DCLK1: variants seen among roughly 807,000 people sequenced by gnomAD.
DCLK1 encodes the protein doublecortin like kinase 1.
DCLK1 carries 16 observed loss-of-function variants against 86.2 expected under a neutral mutation model. That is an observed-to-expected ratio of 0.19 (90% CI 0.13 to 0.28). DCLK1 has a LOEUF of 0.28. Among genes scored for constraint, DCLK1 ranks in the 10% least tolerant of loss-of-function variants. The probability of loss-of-function intolerance (pLI) is 1.00; values close to 1 mark genes in which losing one functional copy is unlikely to be tolerated. For missense variants in DCLK1, 590 were observed against 940.2 expected (o/e 0.63, Z 4.87); for synonymous variants, 369 against 370.5 (o/e 1.00, Z 0.05).
chr13:35,929,618 C>T (rs976922003), intron 4 of DCLK1, among the ~76,000 whole-genome samples: 3 of 152,182 alleles, frequency 2.0e-5, no homozygotes, highest in African/African-American at 7.2e-5. Flanking sequence ...ATTTGCCTTT[C>T]CTCATTCCCC....
chr13:36,125,209 G>C (rs1329958050), intron 2 of DCLK1, among the ~76,000 whole-genome samples: 1 of 152,050 alleles, frequency 6.6e-6, no homozygotes, highest in African/African-American at 2.4e-5. Flanking sequence ...AGGAAGCATC[G>C]CAGTGGAACG....
At chr13:36,127,399 G>T (rs1886224610) in intron 1 of DCLK1, among the ~76,000 whole-genome samples, 1 of 152,176 alleles carries the variant, frequency 6.6e-6, no homozygotes, top group South Asian at 2.1e-4. Flanking sequence ...GACTATCTTT[G>T]TGATTGAAGA....
At chr13:36,086,840 T>C (rs926644900) in intron 3 of DCLK1, among the ~76,000 whole-genome samples, 8 of 152,224 alleles carry the variant, frequency 5.3e-5, no homozygotes, top group African/African-American at 1.9e-4. Context: ...ATGGTGTATA[T>C]GTGCCACATT....
chr13:35,849,918 T>C (rs1308470316), intron 6 of DCLK1: 1 of 959,382 alleles, frequency 1.0e-6, no homozygotes, highest in Non-Finnish European at 1.2e-6. Flanking sequence ...AAATTATGTA[T>C]ATGATTGTAA....
At chr13:35,862,934 G>T (rs72652880) in intron 5 of DCLK1, among the ~76,000 whole-genome samples, 4,950 of 152,244 alleles carry the variant, frequency 0.033, 140 homozygotes, top group Middle Eastern at 0.068. Context: ...CAATGTTTTG[G>T]TCAACAAGGG....
intron 4 of DCLK1, among the ~76,000 whole-genome samples, chr13:35,914,146 G>C (rs9574906): frequency 0.8 from 120,683 of 151,090 alleles, 48,324 homozygotes; most frequent in South Asian, 0.91. Context: ...AGTGAGACAC[G>C]CGTCTCTACA....
At chr13:35,808,458 T>C (rs2087074842) in intron 13 of DCLK1, 138 bp from the exon 14 acceptor site, 3 of 786,222 alleles carry the variant, frequency 3.8e-6, no homozygotes, top group African/African-American at 1.7e-5. Flanking sequence ...GATTGAAAAA[T>C]GTCAATGTGG....
chr13:36,075,895 C>T lies in DCLK1; in HGVS notation c.723+35974G>A, dbSNP rs1198700384. On this transcript the variant is annotated intron_variant, in intron 3 of 16. Transcript: ENST00000360631. ...AAAAAATTAGCCGAACACAGTGGCA[C>T]ATGCCTGTAGTCCCAGCTACTCGGG... Among the ~76,000 whole-genome samples, 3 of 151,996 alleles carry T rather than the reference C, an allele frequency of 2.0e-5. No homozygotes were observed. In the East Asian group the frequency reaches 5.8e-4, roughly 29 times the overall value.
intron 4 of DCLK1, among the ~76,000 whole-genome samples, chr13:35,934,294 G>T (rs1876631765): frequency 6.6e-6 from 1 of 152,038 alleles, no homozygotes; most frequent in South Asian, 2.1e-4. Context: ...CCACATTTTT[G>T]GGTATCTTCT....
In DCLK1 at chr13:35,772,268, G is replaced by A. The variant is rs1364101052; in HGVS notation, c.*2267C>T. On this transcript the variant is annotated 3_prime_UTR_variant, in exon 17 of 17. Transcript: ENST00000360631. ...CCAGAGTCCCCCTAGACGTCGATGG[G>A]AAAAGGCCTGAGCCATGCACCGCAG... The A allele has an allele frequency of 1.3e-5, 2 of 152,016 alleles. No homozygotes were observed. Among genetic ancestry groups the A allele is most frequent in the African/African-American group, 4.8e-5 (2 of 41,322 alleles). The allele number at this position is 152,016 out of a possible 1,614,324, so 9.4% of individuals were successfully genotyped here. A position where few individuals can be genotyped will look rare whatever the true frequency, so the allele number is the denominator to read the frequency against.
chr13:35,929,730 G>C (rs1359178681), intron 4 of DCLK1, among the ~76,000 whole-genome samples: 1 of 152,144 alleles, frequency 6.6e-6, no homozygotes, highest in Non-Finnish European at 1.5e-5. Flanking sequence ...ATTTGACTAG[G>C]AGTGATATGA....
intron 11 of DCLK1, among the ~76,000 whole-genome samples, chr13:35,812,710 A>C (rs1205203240): frequency 6.6e-6 from 1 of 152,138 alleles, no homozygotes; most frequent in Admixed American, 6.5e-5. Context: ...TTTTCTCCAC[A>C]CTCATAGCAT....
chr13:35,909,939 G>C (rs978271049), intron 4 of DCLK1, among the ~76,000 whole-genome samples: 1 of 152,138 alleles, frequency 6.6e-6, no homozygotes, highest in African/African-American at 2.4e-5. Flanking sequence ...GCTTCTAGCA[G>C]CCAGCACCTC....
At chr13:35,855,493 C>A in intron 5 of DCLK1, 2 of 1,599,856 alleles carry the variant, frequency 1.3e-6, no homozygotes, top group Non-Finnish European at 1.7e-6. Flanking sequence ...GGGAGAGCAG[C>A]AATGCATTTC....
chr13:35,807,055 T>C (rs549084829), intron 14 of DCLK1, among the ~76,000 whole-genome samples: 33 of 152,340 alleles, frequency 2.2e-4, no homozygotes, highest in African/African-American at 7.7e-4. Flanking sequence ...AAGATAATTA[T>C]TGAGAACATT....
rs1011150023 is a variant in DCLK1, at chr13:35,847,723, G to A, written c.1035+6776C>T. The A allele has an allele frequency of 3.2e-6, 3 of 940,482 alleles. No homozygotes were observed. In the African/African-American group the frequency reaches 5.3e-5, roughly 17 times the overall value. The allele number at this position is 940,482 out of a possible 1,614,324, so 58.3% of individuals were successfully genotyped here. A position where few individuals can be genotyped will look rare whatever the true frequency, so the allele number is the denominator to read the frequency against. ...GAAATTCCCCGGCTGGTTATGTAGGGTATATATATATATAGTACATCAGCG... is the reference window on the plus strand; with the variant it reads ...GAAATTCCCCGGCTGGTTATGTAGGATATATATATATATAGTACATCAGCG... On this transcript the variant is annotated intron_variant, in intron 6 of 16. Transcript: ENST00000360631.
intron 3 of DCLK1, among the ~76,000 whole-genome samples, chr13:36,045,330 GTGTATATA>G (rs1211131227): frequency 0.025 from 1,430 of 56,378 alleles, 6 homozygotes; most frequent in East Asian, 0.031. Flanking sequence ...GTGTGTGTGT[GTGTATATA>G]TATATATATA....
chr13:36,101,442 C>T (rs1484181916), intron 3 of DCLK1, among the ~76,000 whole-genome samples: 1 of 152,184 alleles, frequency 6.6e-6, no homozygotes, highest in African/African-American at 2.4e-5. Flanking sequence ...TGAGAGGATG[C>T]TAATAAAACT....
intron 6 of DCLK1, chr13:35,848,434 T>G (rs1022902437): frequency 3.7e-5 from 36 of 985,132 alleles, no homozygotes; most frequent in Admixed American, 6.2e-5. Context: ...AAAAAGTAAA[T>G]GATATATATA....
Sources: allele counts gnomAD v4.1 joint callset (sites outside exome capture counted in the v4.1 genomes callset), GRCh38; gene constraint gnomAD v4.1.1; transcripts MANE v1.5; gene names NCBI Gene and HGNC (gene_info 2026-07-23, HGNC 2026-07-21).